Variants in KIF24 observed in about 807,000 individuals in gnomAD.
KIF24 encodes the protein kinesin-like protein KIF24.
A neutral mutation model predicts 118.9 loss-of-function variants in KIF24; 81 were observed. The observed-to-expected ratio is 0.68, with a 90% CI of 0.57 to 0.82. The LOEUF (loss-of-function observed/expected upper bound fraction) is 0.82, where lower values mean the gene tolerates loss of function less well. Among genes scored for constraint, KIF24 ranks in the 40% least tolerant of loss-of-function variants. KIF24 has a pLI of 0.00. For missense variants in KIF24, 1,560 were observed against 1,661.6 expected (o/e 0.94, Z 1.06); for synonymous variants, 599 against 610.0 (o/e 0.98, Z 0.27).
At chr9:34,261,208 T>G (rs751195450) in intron 9 of KIF24, among the ~76,000 whole-genome samples, 1 of 152,134 alleles carries the variant, frequency 6.6e-6, no homozygotes, top group African/African-American at 2.4e-5. Flanking sequence ...GCTGGCTTCA[T>G]CCTGCAGCAT....
chr9:34,290,332 C>A lies in KIF24; in HGVS notation c.969G>T (p.Met323Ile), dbSNP rs1836208341. The change falls in exon 5 of 13, where the codon ATG becomes ATT. Residue 323 changes from methionine to isoleucine, a missense_variant. By Grantham distance (10) the Met-to-Ile change is conservative. Coordinates refer to ENST00000402558, the MANE Select transcript of KIF24 (RefSeq NM_194313.4). The part of the protein sequence containing the change: ...GQTGAGKTYT[M>I]IGTHENPGLY... ...ATCCTGGGTTCTCATGAGTTCCTATCATGGTGTAGGTCTTTCCAGCACCTG... is the reference window on the plus strand; with the variant it reads ...ATCCTGGGTTCTCATGAGTTCCTATAATGGTGTAGGTCTTTCCAGCACCTG... 6 of 1,613,946 alleles carry A rather than the reference C, an allele frequency of 3.7e-6. No homozygotes were observed. In the Admixed American group the frequency reaches 1.0e-4, roughly 27 times the overall value.
At position 34,309,429 on chromosome 9, in the gene KIF24, T is replaced by A. The variant is rs183878568; in HGVS notation, c.623+1295A>T. On this transcript the variant is annotated intron_variant, in intron 2 of 12. Transcript: ENST00000402558. ...AGTGGCGGGCGCCTGTAGTCCCAGC[T>A]ACTCGGAAGGCTGAGGCAGGAGAAT... 3.6e-3 allele frequency among the ~76,000 whole-genome samples: 531 copies of A among 149,000 alleles called. 6 individuals are homozygous for A. Among genetic ancestry groups the A allele is most frequent in the African/African-American group, 0.012 (496 of 40,398 alleles).
At position 34,329,145 on chromosome 9, in the gene KIF24, G is replaced by A. The variant is rs1273055139; in HGVS notation, c.-65C>T. ...CTCGGTCTGCCCTGTCTGAGAAGAG[G>A]AGAAGACAATGCCGTCGGGAGTGAG... is the stretch of plus-strand genomic sequence containing the variant. On this transcript the variant is annotated 5_prime_UTR_variant, in exon 1 of 13. Coordinates refer to ENST00000402558, the MANE Select transcript of KIF24 (RefSeq NM_194313.4). Among the ~76,000 whole-genome samples the A allele has an allele frequency of 2.0e-5, 3 of 152,212 alleles. No individual in the cohort carries two copies. The highest frequency in any genetic ancestry group is 4.4e-5 in the Non-Finnish European group (3 of 68,032).
rs544170864 is a variant in KIF24 at position 34,294,942 on chromosome 9, T to C, written c.911+2075A>G. Among the ~76,000 whole-genome samples the C allele has an allele frequency of 4.7e-4, 72 of 152,262 alleles. 1 individual carries two copies. The South Asian group carries it at 0.015, about 31-fold the overall frequency. ...GTTACAGATATTTGTTACTCACGTA[T>C]ATAAAACTCTCAAAACTCATCAAAT... On this transcript the variant is annotated intron_variant, in intron 4 of 12. Transcript: ENST00000402558.
At position 34,263,306 on chromosome 9, in the gene KIF24, T is replaced by C; in HGVS notation, c.1444-134A>G. 4.3e-6 allele frequency: 3 copies of C among 695,266 alleles called. No homozygotes were observed. The South Asian group carries it at 4.8e-5, about 11-fold the overall frequency. The allele number at this position is 695,266 out of a possible 1,614,324, so 43.1% of individuals were successfully genotyped here. ...ACAATCCTCCAAAAGGAAGTCAAAATGGCCTGTAGTTTCCATTCAACAAGA... is the reference window on the plus strand; with the variant it reads ...ACAATCCTCCAAAAGGAAGTCAAAACGGCCTGTAGTTTCCATTCAACAAGA... On this transcript the variant is annotated intron_variant, in intron 8 of 12. Coordinates refer to ENST00000402558, the MANE Select transcript of KIF24 (RefSeq NM_194313.4).
At chr9:34,281,186 C>T (rs1252569837) in intron 6 of KIF24, among the ~76,000 whole-genome samples, 8 of 152,066 alleles carry the variant, frequency 5.3e-5, no homozygotes, top group African/African-American at 1.4e-4. Context: ...CCACCATACC[C>T]GGCTCATTTT....
In KIF24 at chr9:34,271,905, C is replaced by A; in HGVS notation, c.1241G>T (p.Arg414Leu). 1 of 1,602,840 alleles carries A rather than the reference C, an allele frequency of 6.2e-7. No homozygotes were observed. The highest frequency in any genetic ancestry group is 8.5e-7 in the Non-Finnish European group (1 of 1,174,216). Residue 414 changes from arginine to leucine, a missense_variant, in exon 7 of 13, where the codon CGC (arginine) becomes CTC (leucine). Arg to Leu is a moderately radical substitution (Grantham distance 102). Around this residue, in one of 3 missense-constraint regions of KIF24, gnomAD observed 964 missense variants for 988.0 expected, o/e 0.98. Coordinates refer to ENST00000402558, the MANE Select transcript of KIF24 (RefSeq NM_194313.4). ...ATTAACTCCAGTGGCCCCAGTGCTG[C>A]GCTCCTTGCTGCCCTTTAAGATCAC... is the stretch of plus-strand genomic sequence containing the variant. ...LEVILKGSKE[R>L]STGATGVNAD...
Position 34,257,035 on chromosome 9 carries a change from G to A in KIF24, c.2572C>T (p.His858Tyr). ...LENSEDSFFLHQTWGQGPEKQ... is the reference protein window; with the variant it reads ...LENSEDSFFLYQTWGQGPEKQ... ...TCAGGACCCTGTCCCCACGTCTGGT[G>A]CAGGAAGAATGAGTCTTCGCTATTC... is the stretch of plus-strand genomic sequence containing the variant. The change falls in exon 11 of 13, where the codon CAC (histidine) becomes TAC (tyrosine). Residue 858 changes from histidine to tyrosine, a missense_variant. This residue lies in a region of KIF24 where 591 missense variants were observed against 655.6 expected (regional missense o/e 0.90). Transcript: ENST00000402558. The A allele has an allele frequency of 5.0e-6, 8 of 1,614,006 alleles. No homozygotes were observed. The highest frequency in any genetic ancestry group is 6.8e-6 in the Non-Finnish European group (8 of 1,179,864).
intron 6 of KIF24, chr9:34,282,806 C>A (rs1835895454): frequency 6.6e-6 from 1 of 152,140 alleles, no homozygotes; most frequent in Non-Finnish European, 1.5e-5. Flanking sequence ...AATCCCAGCA[C>A]TTTGGGAGGC....
At chr9:34,280,100 C>T (rs981183517) in intron 6 of KIF24, among the ~76,000 whole-genome samples, 18 of 150,928 alleles carry the variant, frequency 1.2e-4, no homozygotes, top group African/African-American at 3.4e-4. Context: ...CCGGCTAAAA[C>T]GGTGAAACCC....
At chr9:34,319,110 T>C in intron 1 of KIF24, 4 of 1,408,130 alleles carry the variant, frequency 2.8e-6, no homozygotes, top group Non-Finnish European at 3.0e-6. Context: ...GGTGTCATGG[T>C]GATGCACCAG....
chr9:34,270,611 G>GC (rs540443305), intron 7 of KIF24, among the ~76,000 whole-genome samples: 4 of 146,924 alleles, frequency 2.7e-5, no homozygotes, highest in Non-Finnish European at 6.0e-5. Context: ...ACCTAGCTAT[G>GC]TTTTTTTTTA....
chr9:34,310,125 ACT>A (rs1837081332), intron 2 of KIF24, among the ~76,000 whole-genome samples: 1 of 152,124 alleles, frequency 6.6e-6, no homozygotes, highest in Non-Finnish European at 1.5e-5. Flanking sequence ...TGACTCTCAA[ACT>A]CTCATCTCCA....
rs1162897884 is a variant in KIF24 at position 34,256,007 on chromosome 9, G to T, written c.3600C>A (p.Pro1200=). The change falls in exon 11 of 13, where the codon CCC becomes CCA. Residue 1200 remains proline, a synonymous_variant. Coordinates refer to ENST00000402558, the MANE Select transcript of KIF24 (RefSeq NM_194313.4). ...GTGGGGTGAGTGTAGGTCCAGAATG[G>T]GGTACCCCCATATGTATGGTGGTGA... The part of the protein sequence containing the change: ...KPFTTIHMGV[P]HSGPTLTPRT... 3 of 1,613,874 alleles carry T rather than the reference G, an allele frequency of 1.9e-6. No individual in the cohort carries two copies. Among genetic ancestry groups the T allele is most frequent in the South Asian group, 2.2e-5 (2 of 91,068 alleles).
chr9:34,325,014 C>T (rs1837631580), intron 1 of KIF24, among the ~76,000 whole-genome samples: 1 of 151,744 alleles, frequency 6.6e-6, no homozygotes, highest in African/African-American at 2.4e-5. Flanking sequence ...GTCTATTTCC[C>T]CTAATAGAGT....
At chr9:34,304,669 G>T (rs977665703) in intron 3 of KIF24, among the ~76,000 whole-genome samples, 4 of 152,172 alleles carry the variant, frequency 2.6e-5, no homozygotes, top group Admixed American at 2.0e-4. Context: ...GGCTGTTAAA[G>T]TGATTGGGTT....
chr9:34,264,267 C>CA (rs202078245), intron 8 of KIF24, among the ~76,000 whole-genome samples: 39,107 of 139,268 alleles, frequency 0.28, 5,388 homozygotes, highest in East Asian at 0.58. Flanking sequence ...ACTAAAAATA[C>CA]AAAAAAAAAA....
At chr9:34,264,765 A>G (rs1219413099) in intron 8 of KIF24, among the ~76,000 whole-genome samples, 2 of 152,098 alleles carry the variant, frequency 1.3e-5, no homozygotes, top group South Asian at 4.1e-4. Flanking sequence ...TTAAATAAAA[A>G]AAGTTTGGCT....
chr9:34,268,448 G>A (rs561799569), intron 8 of KIF24, among the ~76,000 whole-genome samples: 5 of 148,788 alleles, frequency 3.4e-5, no homozygotes, highest in Admixed American at 1.3e-4. Context: ...GAGCCACTGC[G>A]CCCAGCTGAG....
Sources: allele counts gnomAD v4.1 joint callset (sites outside exome capture counted in the v4.1 genomes callset), GRCh38; gene constraint gnomAD v4.1.1; regional missense constraint gnomAD v4.1.1; transcripts MANE v1.5; gene names NCBI Gene and HGNC (gene_info 2026-07-23, HGNC 2026-07-21).